The following BDH2 variants were observed in gnomAD, a reference collection of about 807,000 sequenced individuals.
BDH2 encodes dehydrogenase/reductase SDR family member 6.
BDH2 carries 24 observed loss-of-function variants against 33.2 expected under a neutral mutation model. The ratio of observed to expected loss-of-function variants is 0.72; its 90% CI spans 0.52 to 1.02. The LOEUF (loss-of-function observed/expected upper bound fraction) is 1.02, where lower values mean the gene tolerates loss of function less well. Among genes scored for constraint, BDH2 ranks in the 50% least tolerant of loss-of-function variants. The pLI is 0.00. For synonymous variants in BDH2, 81 were observed against 101.6 expected (o/e 0.80, Z 1.22); for missense variants, 249 against 301.6 (o/e 0.83, Z 1.29).
At position 103,092,985 on chromosome 4, in the gene BDH2, T is replaced by C. The variant is rs146556601; in HGVS notation, c.152-289A>G. On this transcript the variant is annotated intron_variant, in intron 3 of 9. Coordinates refer to ENST00000296424, the MANE Select transcript of BDH2 (RefSeq NM_020139.4). ...TGGCTTTATAGTAAAGAATGACTGG[T>C]GTACATTAGATGTTTCTCAGTAAGC... Among the ~76,000 whole-genome samples, 372 of 152,302 alleles carry C rather than the reference T, an allele frequency of 2.4e-3. 2 individuals are homozygous for C. The highest frequency in any genetic ancestry group is 6.8e-3 in the Middle Eastern group (2 of 294).
rs1434748330 is a variant in BDH2 at position 103,095,209 on chromosome 4, A to G, written c.145T>C (p.Tyr49His). ...AAGCTGCTGAGTTGCTTACCCGGGT[A>G]CTTTTCCAGTTCCTGAAGTTTGGAC... ...NESKLQELEK[Y>H]PGIQTRVLDV... The change falls in exon 3 of 10, where the codon TAC becomes CAC. Residue 49 changes from tyrosine (Y) to histidine (H), a missense_variant. By Grantham distance (83) the Tyr-to-His change is moderately conservative. Transcript: ENST00000296424. The G allele has an allele frequency of 3.1e-6, 5 of 1,613,388 alleles. No individual in the cohort carries two copies. The highest frequency in any genetic ancestry group is 3.3e-4 in the Middle Eastern group (2 of 6,066).
chr4:103,082,903 C>T lies in BDH2; in HGVS notation c.559G>A (p.Glu187Lys). The change falls in exon 8 of 10, where the codon GAA (glutamate) becomes AAA (lysine). Residue 187 changes from glutamate (E) to lysine (K), a missense_variant. By Grantham distance (56) the Glu-to-Lys change is moderately conservative (BLOSUM62 1). Transcript: ENST00000296424. ...PGTVDTPSLQ[E>K]RIQARGNPEE... is the part of the protein sequence containing the mutation. Reference sequence around the variant, plus strand: ...GGATTTCCTCTGGCTTGTATTCTTTCTTGTAGAGATGGCGTATCAACTGTT... The same window carrying T: ...GGATTTCCTCTGGCTTGTATTCTTTTTTGTAGAGATGGCGTATCAACTGTT... The T allele has an allele frequency of 6.2e-7, 1 of 1,612,974 alleles. No individual in the cohort carries two copies. Among genetic ancestry groups the T allele is most frequent in the Non-Finnish European group, 8.5e-7 (1 of 1,179,082 alleles).
At chr4:103,092,254 T>C (rs1025578818) in intron 4 of BDH2, 1 of 238,718 alleles carries the variant, frequency 4.2e-6, no homozygotes. Flanking sequence ...TTGTTTCATG[T>C]TTCTGGGTGT....
chr4:103,096,330 G>T, intron 1 of BDH2, 56 bp from the exon 2 acceptor site: 2 of 1,134,422 alleles, frequency 1.8e-6, no homozygotes, highest in African/African-American at 1.5e-5. Context: ...TGAGCAGGCA[G>T]TAACATCTAG....
rs183306985 is a variant in BDH2, at chr4:103,091,410, A to G, written c.249-125T>C. 454 of 618,800 alleles carry G rather than the reference A, an allele frequency of 7.3e-4. 2 individuals carry two copies. In the African/African-American group the frequency reaches 7.6e-3, roughly 10 times the overall value. 38.3% of individuals were successfully genotyped at this position (618,800 alleles called of 1,614,324 possible). The stretch of plus-strand genomic sequence containing the variant: ...TCTCTTTCCCTTATCAAGACTTTAA[A>G]CAATTCATAGTATCACTTAGTATAT... On this transcript the variant is annotated intron_variant, in intron 4 of 9. Transcript: ENST00000296424.
chr4:103,091,658 C>T, intron 4 of BDH2: 1 of 452,210 alleles, frequency 2.2e-6, no homozygotes, highest in Admixed American at 2.4e-5. Flanking sequence ...GGCAAGAGGA[C>T]CACTTGAGCC....
At position 103,096,293 on chromosome 4, in the gene BDH2, A is replaced by AG; in HGVS notation, c.-20-20_-20-19insC. On this transcript the variant is annotated intron_variant, in intron 1 of 9. Coordinates refer to ENST00000296424, the MANE Select transcript of BDH2 (RefSeq NM_020139.4). ...GTTTAATCTAAAGACATGTGTGTTT[A>AG]ATGGGTTATACTGTAGAACATGATC... The AG allele has an allele frequency of 6.7e-7, 1 of 1,500,316 alleles. No homozygotes were observed. Among genetic ancestry groups the AG allele is most frequent in the Non-Finnish European group, 9.3e-7 (1 of 1,077,604 alleles). The allele number at this position is 1,500,316 out of a possible 1,614,324, so 92.9% of individuals were successfully genotyped here.
chr4:103,098,276 C>T (rs941858650), intron 1 of BDH2, among the ~76,000 whole-genome samples: 1 of 152,156 alleles, frequency 6.6e-6, no homozygotes, highest in Non-Finnish European at 1.5e-5. Flanking sequence ...ACCTGATCAC[C>T]AACGTGGCTA....
At chr4:103,087,272 G>A (rs551913465) in intron 5 of BDH2, among the ~76,000 whole-genome samples, 2 of 152,338 alleles carry the variant, frequency 1.3e-5, no homozygotes, top group Admixed American at 1.3e-4. Flanking sequence ...AGGTCAACAA[G>A]GGCTGAATTT....
At chr4:103,088,986 A>G (rs1747938959) in intron 5 of BDH2, among the ~76,000 whole-genome samples, 1 of 152,166 alleles carries the variant, frequency 6.6e-6, no homozygotes, top group Non-Finnish European at 1.5e-5. Context: ...CTTCTGGTGG[A>G]GCCTGGATTC....
At chr4:103,082,292 C>A in intron 8 of BDH2, 119 bp from the exon 9 acceptor site, 1 of 804,844 alleles carries the variant, frequency 1.2e-6, no homozygotes, top group Admixed American at 2.1e-5. Flanking sequence ...GATGAATAAT[C>A]AACTAGGGTT....
Position 103,082,944 on chromosome 4 carries a change from G to GA in BDH2, c.533-16dup. The GA allele has an allele frequency of 6.2e-7, 1 of 1,607,526 alleles. No individual in the cohort carries two copies. The highest frequency in any genetic ancestry group is 1.7e-5 in the Admixed American group (1 of 60,024). ...ATCAACTGTTCCTAAATCAAAGGGG[G>GA]ATATTCAGCTTGGTTACTCACTTTC... On this transcript the variant is annotated splice_polypyrimidine_tract_variant and intron_variant, in intron 7 of 9. Transcript: ENST00000296424.
At chr4:103,079,781 G>C in intron 9 of BDH2, 26 bp from the exon 10 acceptor site, 2 of 1,604,522 alleles carry the variant, frequency 1.2e-6, no homozygotes, top group South Asian at 2.2e-5. Flanking sequence ...CAAGGAGACA[G>C]AACAATTAAC....
In BDH2 at chr4:103,093,751, A is replaced by G. The variant is rs903012065; in HGVS notation, c.152-1055T>C. ...ATACATATAATATATAATTATCTAT[A>G]ATGTGTATTATATTTTATAATTTAT... On this transcript the variant is annotated intron_variant, in intron 3 of 9. Transcript: ENST00000296424. 2.0e-5 allele frequency among the ~76,000 whole-genome samples: 3 copies of G among 147,446 alleles called. No homozygotes were observed. In the Admixed American group the frequency reaches 2.0e-4, roughly 10 times the overall value.
At chr4:103,081,992 A>C in intron 9 of BDH2, 89 bp downstream of exon 9, 1 of 1,076,006 alleles carries the variant, frequency 9.3e-7, no homozygotes, top group Non-Finnish European at 1.4e-6. Context: ...TATATGCCAC[A>C]AACTCTCTAA....
At chr4:103,092,396 T>C in intron 4 of BDH2, 1 of 574,482 alleles carries the variant, frequency 1.7e-6, no homozygotes. Flanking sequence ...AGACCTCATT[T>C]GCCCCAGATC....
intron 1 of BDH2, among the ~76,000 whole-genome samples, chr4:103,097,976 G>A (rs768870127): frequency 1.3e-5 from 2 of 151,290 alleles, no homozygotes; most frequent in African/African-American, 2.4e-5. Context: ...TACCCAATAT[G>A]CTCTTCCATT....
intron 2 of BDH2, among the ~76,000 whole-genome samples, chr4:103,095,580 C>T (rs1352241528): frequency 1.3e-5 from 2 of 152,108 alleles, no homozygotes; most frequent in Admixed American, 6.6e-5. Flanking sequence ...CAAAATACTG[C>T]TCTTCTGTAA....
At chr4:103,084,008 C>T (rs950989278) in intron 7 of BDH2, among the ~76,000 whole-genome samples, 6 of 152,190 alleles carry the variant, frequency 3.9e-5, no homozygotes, top group African/African-American at 1.4e-4. Context: ...GGAACATCTT[C>T]TACCTTCACA....
Sources: gnomAD v4.1 joint callset for allele counts (sites outside exome capture counted in the v4.1 genomes callset) on GRCh38, gnomAD v4.1.1 for gene constraint, MANE v1.5 for transcripts, NCBI Gene and HGNC (gene_info 2026-07-23, HGNC 2026-07-21) for gene names.